The following SPRED1 variants were observed in gnomAD, a reference collection of about 807,000 sequenced individuals.
SPRED1 encodes the protein sprouty related EVH1 domain containing 1, also known as sprouty-related, EVH1 domain-containing protein 1.
SPRED1 carries 18 observed loss-of-function variants against 52.3 expected under a neutral mutation model. The observed-to-expected ratio is 0.34, with a 90% CI of 0.24 to 0.51. The LOEUF (loss-of-function observed/expected upper bound fraction) is 0.51, where lower values mean the gene tolerates loss of function less well. Ranked by LOEUF, SPRED1 falls within the 20% of genes least tolerant of loss-of-function variation. The pLI is 0.97. For synonymous variants in SPRED1, 155 were observed against 179.7 expected, an observed-to-expected ratio of 0.86 and a Z score of 1.10; for missense variants, 485 against 551.0, an observed-to-expected ratio of 0.88 and a Z score of 1.20.
chr15:38,276,027 A>G (rs933831078), intron 1 of SPRED1, among the ~76,000 whole-genome samples: 1 of 152,176 alleles, frequency 6.6e-6, no homozygotes, highest in Non-Finnish European at 1.5e-5. Context: ...ACAGGACACA[A>G]TCTAATTAAA....
rs1300583578 is a variant in SPRED1 at position 38,356,610 on chromosome 15, A to G, written c.*4946A>G. 1 of 152,084 alleles carries G rather than the reference A, an allele frequency of 6.6e-6. No homozygotes were observed. Among genetic ancestry groups the G allele is most frequent in the East Asian group, 1.9e-4 (1 of 5,198 alleles). The allele number at this position is 152,084 out of a possible 1,614,324, so 9.4% of individuals were successfully genotyped here. A position where few individuals can be genotyped will look rare whatever the true frequency, so the allele number is the denominator to read the frequency against. Reference sequence around the variant, plus strand: ...AGTTCACATATAGTTCATCTTAATAACATATTTATTCATCCTTAATTGTAT... The same window carrying G: ...AGTTCACATATAGTTCATCTTAATAGCATATTTATTCATCCTTAATTGTAT... On this transcript the variant is annotated 3_prime_UTR_variant, in exon 7 of 7. Coordinates refer to ENST00000299084, the MANE Select transcript of SPRED1 (RefSeq NM_152594.3).
intron 4 of SPRED1, among the ~76,000 whole-genome samples, chr15:38,327,373 C>G (rs1221866144): frequency 6.6e-6 from 1 of 152,190 alleles, no homozygotes; most frequent in Non-Finnish European, 1.5e-5. Flanking sequence ...TAATTCCCCT[C>G]TTCCTGAGTG....
At chr15:38,270,706 G>C (rs1354770539) in intron 1 of SPRED1, among the ~76,000 whole-genome samples, 1 of 152,166 alleles carries the variant, frequency 6.6e-6, no homozygotes, top group Non-Finnish European at 1.5e-5. Context: ...TACTCGACCT[G>C]AGATTTCAGT....
At chr15:38,314,063 G>A (rs1276796509) in intron 2 of SPRED1, among the ~76,000 whole-genome samples, 1 of 151,800 alleles carries the variant, frequency 6.6e-6, no homozygotes, top group African/African-American at 2.4e-5. Context: ...GATAGCCTAT[G>A]CAATAACAGT....
At chr15:38,290,746 A>T (rs145147262) in intron 1 of SPRED1, among the ~76,000 whole-genome samples, 1 of 152,194 alleles carries the variant, frequency 6.6e-6, no homozygotes, top group Non-Finnish European at 1.5e-5. Context: ...CTTATTCCCT[A>T]TCACAAGAAT....
At chr15:38,316,965 A>G (rs1021979033) in intron 2 of SPRED1, among the ~76,000 whole-genome samples, 3 of 151,668 alleles carry the variant, frequency 2.0e-5, no homozygotes. Flanking sequence ...ATTGAGTCCT[A>G]CATTTAATAT....
rs986815823 is a variant in SPRED1, at chr15:38,352,847, A to T, written c.*1183A>T. 6.6e-6 allele frequency: 1 copy of T among 152,156 alleles called. No homozygotes were observed. Among genetic ancestry groups the T allele is most frequent in the Non-Finnish European group, 1.5e-5 (1 of 67,938 alleles). The allele number at this position is 152,156 out of a possible 1,614,324, so 9.4% of individuals were successfully genotyped here. On this transcript the variant is annotated 3_prime_UTR_variant, in exon 7 of 7. Coordinates refer to ENST00000299084, the MANE Select transcript of SPRED1 (RefSeq NM_152594.3). ...AACTGGCCAAAAGCAAAATTATTTT[A>T]TGTTAAAATGTGTGCTAAACTATCC...
At chr15:38,261,912 G>A (rs1894213107) in intron 1 of SPRED1, among the ~76,000 whole-genome samples, 1 of 151,096 alleles carries the variant, frequency 6.6e-6, no homozygotes, top group African/African-American at 2.4e-5. Context: ...AGTGAGTTGT[G>A]TCTTTTCTGA....
At position 38,322,256 on chromosome 15, in the gene SPRED1, A is replaced by G; in HGVS notation, c.223A>G (p.Met75Val). 2 of 1,613,808 alleles carry G rather than the reference A, an allele frequency of 1.2e-6. No individual in the cohort carries two copies. The highest frequency in any genetic ancestry group is 1.1e-5 in the South Asian group (1 of 91,070). The change falls in exon 3 of 7, where the codon ATG becomes GTG. Residue 75 changes from methionine to valine, a missense_variant. Met to Val is a conservative substitution (Grantham distance 21, BLOSUM62 1). Around this residue, in one of 5 missense-constraint regions of SPRED1, gnomAD observed 232 missense variants for 231.8 expected, o/e 1.00. Transcript: ENST00000299084. ...LRDKMVVLECMLKKDLIYNKV... is the reference protein window; with the variant it reads ...LRDKMVVLECVLKKDLIYNKV... Reference sequence around the variant, plus strand: ...CTTTTGTCAGGTGGTTTTGGAATGTATGCTTAAAAAAGACCTCATTTATAA... The same window carrying G: ...CTTTTGTCAGGTGGTTTTGGAATGTGTGCTTAAAAAAGACCTCATTTATAA...
chr15:38,305,624 T>A (rs1160414019), intron 2 of SPRED1, among the ~76,000 whole-genome samples: 2 of 147,986 alleles, frequency 1.4e-5, no homozygotes, highest in East Asian at 4.1e-4. Context: ...GGGGATTGGC[T>A]AAAATGTATA....
chr15:38,257,822 G>A (rs1595710619), intron 1 of SPRED1, among the ~76,000 whole-genome samples: 1 of 152,212 alleles, frequency 6.6e-6, no homozygotes, highest in Non-Finnish European at 1.5e-5. Flanking sequence ...TCAGGAAAGG[G>A]TAAACAGCAG....
chr15:38,330,705 A>G (rs1190432547), intron 4 of SPRED1, among the ~76,000 whole-genome samples: 2 of 152,136 alleles, frequency 1.3e-5, no homozygotes, highest in African/African-American at 4.8e-5. Context: ...CATTTAATAA[A>G]CCAATGATAT....
chr15:38,265,900 T>G (rs1322031139), intron 1 of SPRED1, among the ~76,000 whole-genome samples: 1 of 152,124 alleles, frequency 6.6e-6, no homozygotes, highest in Non-Finnish European at 1.5e-5. Context: ...AGAATTTAAT[T>G]TTTTTGCAGC....
rs1192194895 is a variant in SPRED1, at chr15:38,353,213, T to C, written c.*1549T>C. 1 of 152,576 alleles carries C rather than the reference T, an allele frequency of 6.6e-6. No homozygotes were observed. The highest frequency in any genetic ancestry group is 1.5e-5 in the Non-Finnish European group (1 of 67,952). 9.5% of individuals were successfully genotyped at this position (152,576 alleles called of 1,614,324 possible). A position where few individuals can be genotyped will look rare whatever the true frequency, so the allele number is the denominator to read the frequency against. On this transcript the variant is annotated 3_prime_UTR_variant, in exon 7 of 7. Coordinates refer to ENST00000299084, the MANE Select transcript of SPRED1 (RefSeq NM_152594.3). ...ACTACTATTTGAAGCTCATTTTCTA[T>C]GCAGGTTTTTAAACGTCATTTATGT...
rs990641041 is a variant in SPRED1 at position 38,349,507 on chromosome 15, T to A, written c.668T>A (p.Leu223Gln). 1 of 1,610,754 alleles carries A rather than the reference T, an allele frequency of 6.2e-7. No individual in the cohort carries two copies. Among genetic ancestry groups the A allele is most frequent in the Non-Finnish European group, 8.5e-7 (1 of 1,177,458 alleles). Residue 223 changes from leucine to glutamine, a missense_variant, in exon 6 of 7, where the codon CTA (leucine) becomes CAA (glutamine). Physicochemically the swap from Leu to Gln is moderately radical, Grantham distance 113. Around this residue, in one of 5 missense-constraint regions of SPRED1, gnomAD observed 232 missense variants for 231.8 expected, o/e 1.00. Coordinates refer to ENST00000299084, the MANE Select transcript of SPRED1 (RefSeq NM_152594.3). ...QRQISKECGS[L>Q]KSQNRVPLKS... ...CAAATATCCAAGGAATGTGGAAGCCTAAAGTCCCAAAATAGGGTAAGTAAT... is the reference window on the plus strand; with the variant it reads ...CAAATATCCAAGGAATGTGGAAGCCAAAAGTCCCAAAATAGGGTAAGTAAT...
intron 1 of SPRED1, among the ~76,000 whole-genome samples, chr15:38,253,896 C>T (rs1894037210): frequency 6.6e-6 from 1 of 152,190 alleles, no homozygotes; most frequent in African/African-American, 2.4e-5. Context: ...TTTTACCTTT[C>T]AGCTATGTGA....
At chr15:38,279,738 G>C (rs1894646684) in intron 1 of SPRED1, among the ~76,000 whole-genome samples, 1 of 152,180 alleles carries the variant, frequency 6.6e-6, no homozygotes. Flanking sequence ...AGTGTTGAGT[G>C]CGTGTTAATA....
At chr15:38,281,519 A>G (rs1004068246) in intron 1 of SPRED1, among the ~76,000 whole-genome samples, 4 of 149,730 alleles carry the variant, frequency 2.7e-5, no homozygotes, top group African/African-American at 9.8e-5. Context: ...CAGACTTTCT[A>G]GTAGCTAAGA....
intron 1 of SPRED1, among the ~76,000 whole-genome samples, chr15:38,272,390 TC>T: frequency 6.6e-6 from 1 of 151,240 alleles, no homozygotes; most frequent in Admixed American, 6.6e-5. Flanking sequence ...TGCCTCAGCC[TC>T]CCAAGTAGTT....
Sources: allele counts gnomAD v4.1 joint callset (sites outside exome capture counted in the v4.1 genomes callset), GRCh38; gene constraint gnomAD v4.1.1; regional missense constraint gnomAD v4.1.1; transcripts MANE v1.5; gene names NCBI Gene and HGNC (gene_info 2026-07-23, HGNC 2026-07-21).